The following PCSK5 variants were observed in gnomAD, a reference collection of about 807,000 sequenced individuals.
PCSK5 encodes the protein prohormone convertase 5.
A neutral mutation model predicts 233.2 loss-of-function variants in PCSK5; 129 were observed. The observed-to-expected ratio is 0.55, with a 90% confidence interval of 0.48 to 0.64. The LOEUF is 0.64. Among genes scored for constraint, PCSK5 ranks in the 30% least tolerant of loss-of-function variants. The pLI, the probability that PCSK5 is intolerant of heterozygous loss-of-function variation, is 0.00. For synonymous variants in PCSK5, 825 were observed against 879.2 expected (o/e 0.94, Z 1.09); for missense variants, 2,076 against 2,430.1 (o/e 0.85, Z 3.06).
At chr9:75,919,138 C>T (rs541148690) in intron 1 of PCSK5, among the ~76,000 whole-genome samples, 1 of 152,312 alleles carries the variant, frequency 6.6e-6, no homozygotes, top group South Asian at 2.1e-4. Flanking sequence ...CACCTCTCAC[C>T]TCTCACCCTT....
At chr9:76,016,440 G>A (rs1347331802) in intron 3 of PCSK5, among the ~76,000 whole-genome samples, 1 of 152,212 alleles carries the variant, frequency 6.6e-6, no homozygotes, top group Non-Finnish European at 1.5e-5. Flanking sequence ...CTAGATTTCT[G>A]AAGCCTGAAT....
At chr9:75,995,993 A>AC (rs1263996159) in intron 3 of PCSK5, among the ~76,000 whole-genome samples, 3 of 152,044 alleles carry the variant, frequency 2.0e-5, no homozygotes, top group Non-Finnish European at 2.9e-5. Flanking sequence ...ATGAGTTTAG[A>AC]CCTGTAAGAT....
chr9:76,303,740 C>T (rs1178078760), intron 28 of PCSK5, among the ~76,000 whole-genome samples: 4 of 152,146 alleles, frequency 2.6e-5, no homozygotes, highest in Admixed American at 6.5e-5. Context: ...GGGACAGAAT[C>T]GGTTACTTTG....
intron 5 of PCSK5, among the ~76,000 whole-genome samples, chr9:76,061,528 A>G (rs577234189): frequency 6.6e-6 from 1 of 152,220 alleles, no homozygotes; most frequent in South Asian, 2.1e-4. Context: ...GTCTCATTAA[A>G]GGAATTACAC....
intron 10 of PCSK5, among the ~76,000 whole-genome samples, chr9:76,134,423 T>C (rs1446201601): frequency 6.6e-6 from 1 of 151,998 alleles, no homozygotes; most frequent in Non-Finnish European, 1.5e-5. Flanking sequence ...TCCCACATCA[T>C]AGGTCAATTT....
chr9:76,045,728 G>T (rs1255517623), intron 5 of PCSK5, among the ~76,000 whole-genome samples: 2 of 152,102 alleles, frequency 1.3e-5, no homozygotes, highest in African/African-American at 4.8e-5. Flanking sequence ...ATTAATAACT[G>T]ACTTGTTATG....
intron 1 of PCSK5, among the ~76,000 whole-genome samples, chr9:75,923,359 C>T (rs1346408564): frequency 6.6e-6 from 1 of 152,086 alleles, no homozygotes; most frequent in African/African-American, 2.4e-5. Context: ...TACACAGTGG[C>T]TTTGAATAGA....
intron 21 of PCSK5, among the ~76,000 whole-genome samples, chr9:76,231,457 C>CAT (rs1180307473): frequency 6.6e-6 from 1 of 152,304 alleles, no homozygotes; most frequent in Non-Finnish European, 1.5e-5. Context: ...TGATGATGTA[C>CAT]TTCACATCCC....
intron 9 of PCSK5, among the ~76,000 whole-genome samples, chr9:76,122,554 G>T (rs1174381237): frequency 2.0e-5 from 3 of 151,944 alleles, no homozygotes; most frequent in Non-Finnish European, 4.4e-5. Context: ...TAGATTATCA[G>T]CAACACTGGT....
At chr9:76,322,556 G>T (rs1486703736) in intron 31 of PCSK5, among the ~76,000 whole-genome samples, 1 of 152,026 alleles carries the variant, frequency 6.6e-6, no homozygotes, top group East Asian at 1.9e-4. Context: ...GTAAGAAAAT[G>T]AACACAAAAA....
intron 5 of PCSK5, among the ~76,000 whole-genome samples, chr9:76,065,012 A>G (rs1359333935): frequency 6.6e-6 from 1 of 152,216 alleles, no homozygotes; most frequent in Non-Finnish European, 1.5e-5. Flanking sequence ...TTTATGGCTA[A>G]TATTCCATTG....
chr9:75,962,343 C>CT (rs1402903344), intron 2 of PCSK5, among the ~76,000 whole-genome samples: 2 of 152,206 alleles, frequency 1.3e-5, no homozygotes, highest in African/African-American at 4.8e-5. Context: ...AAGCGCTTGG[C>CT]TTCACACCAG....
chr9:76,258,599 C>T (rs1827057965), intron 24 of PCSK5, among the ~76,000 whole-genome samples: 1 of 152,164 alleles, frequency 6.6e-6, no homozygotes, highest in Non-Finnish European at 1.5e-5. Context: ...GACCTCTTGC[C>T]TTCAGCCCTA....
intron 10 of PCSK5, among the ~76,000 whole-genome samples, chr9:76,151,153 A>C (rs1295881626): frequency 6.6e-6 from 1 of 152,134 alleles, no homozygotes; most frequent in Non-Finnish European, 1.5e-5. Flanking sequence ...TGAGGGAGGC[A>C]CAGGGTCCCT....
chr9:76,274,405 G>T (rs1190803707), intron 24 of PCSK5, among the ~76,000 whole-genome samples: 2 of 151,696 alleles, frequency 1.3e-5, no homozygotes. Context: ...TAGTCTCTGT[G>T]GGTTTGATTC....
At chr9:76,046,451 C>T (rs1225314537) in intron 5 of PCSK5, among the ~76,000 whole-genome samples, 2 of 150,988 alleles carry the variant, frequency 1.3e-5, no homozygotes, top group Non-Finnish European at 3.0e-5. Context: ...GCTGGGATTA[C>T]AGGCGTGAGC....
At chr9:76,075,224 AAAT>A (rs145167571) in intron 7 of PCSK5, among the ~76,000 whole-genome samples, 10,200 of 150,582 alleles carry the variant, frequency 0.068, 368 homozygotes, top group Middle Eastern at 0.094. Context: ...CGTCTCAATA[AAAT>A]AATAATAATA....
intron 27 of PCSK5, 61 bp from the exon 28 acceptor site, chr9:76,302,076 T>C: frequency 1.3e-6 from 1 of 778,648 alleles, no homozygotes; most frequent in South Asian, 1.6e-5. Flanking sequence ...AGGTGAAGTT[T>C]ATCTTCTTTA....
intron 17 of PCSK5, 84 bp from the exon 18 acceptor site, chr9:76,188,494 C>A: frequency 1.2e-6 from 1 of 824,776 alleles, no homozygotes; most frequent in Non-Finnish European, 2.1e-6. Flanking sequence ...GAAACTGTAT[C>A]TGTTACATAT....
Sources: allele counts gnomAD v4.1 joint callset (sites outside exome capture counted in the v4.1 genomes callset), GRCh38; gene constraint gnomAD v4.1.1; transcripts MANE v1.5; gene names NCBI Gene and HGNC (gene_info 2026-07-23, HGNC 2026-07-21).